The following NEB variants were observed in gnomAD, a reference collection of about 807,000 sequenced individuals.
NEB encodes nemaline myopathy type 2.
In NEB, 512 loss-of-function variants were observed where a neutral mutation model predicts 952.2. That is an observed-to-expected ratio of 0.54 (90% confidence interval 0.50 to 0.58). The LOEUF is 0.58. Ranked by LOEUF, NEB falls within the 20% of genes least tolerant of loss-of-function variation. NEB has a pLI of 0.00. For missense variants in NEB, 8,428 were observed against 9,231.1 expected (o/e 0.91, Z 3.56); for synonymous variants, 2,900 against 3,149.8 (o/e 0.92, Z 2.66).
At chr2:151,648,246 C>A (rs2098985876) in intron 54 of NEB, among the ~76,000 whole-genome samples, 1 of 152,038 alleles carries the variant, frequency 6.6e-6, no homozygotes. Context: ...TTGTCCATTT[C>A]CCTTTGAGGT....
intron 42 of NEB, 47 bp from the exon 43 acceptor site, chr2:151,664,910 G>C: frequency 7.3e-7 from 1 of 1,366,436 alleles, no homozygotes; most frequent in African/African-American, 1.4e-5. Context: ...GGACAAGTTT[G>C]ACCCAATGCT....
intron 54 of NEB, among the ~76,000 whole-genome samples, chr2:151,647,299 G>A (rs2098972937): frequency 6.6e-6 from 1 of 151,570 alleles, no homozygotes; most frequent in African/African-American, 2.4e-5. Flanking sequence ...TAGTAGAGAT[G>A]GGGTTTCACC....
intron 13 of NEB, among the ~76,000 whole-genome samples, chr2:151,701,606 G>C (rs2099670143): frequency 1.3e-5 from 2 of 151,740 alleles, no homozygotes; most frequent in Non-Finnish European, 1.5e-5. Context: ...GATTGTATGT[G>C]TCGAGGAATT....
chr2:151,519,153 G>A (rs1005316782), intron 154 of NEB, 84 bp from the exon 155 acceptor site: 30 of 881,684 alleles, frequency 3.4e-5, no homozygotes, highest in African/African-American at 2.3e-4. Context: ...ATAGCCCATC[G>A]TCAAACAAAT....
intron 113 of NEB, 140 bp from the exon 114 acceptor site, chr2:151,567,619 T>C: frequency 4.7e-6 from 3 of 634,032 alleles, no homozygotes; most frequent in Non-Finnish European, 5.1e-6. Context: ...GAGCAAATAA[T>C]AAAAAGCATT....
At position 151,697,605 on chromosome 2, in the gene NEB, A is replaced by C; in HGVS notation, c.1196T>G (p.Ile399Arg). Residue 399 changes from isoleucine (I) to arginine (R), a missense_variant, in exon 14 of 182, where the codon ATA (isoleucine) becomes AGA (arginine). By Grantham distance (97) the Ile-to-Arg change is moderately conservative. Around this residue, in one of 11 missense-constraint regions of NEB, gnomAD observed 2,851 missense variants for 2,791.5 expected, o/e 1.02. Transcript: ENST00000397345. The part of the protein sequence containing the change: ...ENYEKTKAKS[I>R]NYCETPKFKL... ...GAATTTGGGGGTCTCGCAGTAATTT[A>C]TGCTCTTTGCTTTTGTCTTTTCATA... is the stretch of plus-strand genomic sequence containing the variant. 6.2e-7 allele frequency: 1 copy of C among 1,612,598 alleles called. No homozygotes were observed. The highest frequency in any genetic ancestry group is 1.1e-5 in the South Asian group (1 of 90,662).
chr2:151,717,089 C>A (rs896001319), intron 10 of NEB, among the ~76,000 whole-genome samples: 1 of 152,160 alleles, frequency 6.6e-6, no homozygotes, highest in Non-Finnish European at 1.5e-5. Context: ...CAGCTCTTCA[C>A]GGAAGTGTGT....
chr2:151,657,400 G>A (rs531576697), intron 48 of NEB, among the ~76,000 whole-genome samples: 12 of 152,260 alleles, frequency 7.9e-5, no homozygotes, highest in African/African-American at 2.6e-4. Flanking sequence ...TTTCATATAG[G>A]TGGCATGTCA....
At chr2:151,637,486 G>T (rs991786837) in intron 63 of NEB, among the ~76,000 whole-genome samples, 1 of 152,150 alleles carries the variant, frequency 6.6e-6, no homozygotes, top group African/African-American at 2.4e-5. Flanking sequence ...AAATAGGAAA[G>T]CAGCCAAAAA....
Position 151,656,233 on chromosome 2 carries a change from G to A in NEB, c.6415C>T (p.His2139Tyr). ...QANITNTNYK[H>Y]LIHKYILLPD... ...AGGAGGATGTACTTGTGAATCAGGT[G>A]CTTGTAGTTAGTGTTGGTGATGTTG... The change falls in exon 49 of 182, where the codon CAC becomes TAC. Residue 2139 changes from histidine to tyrosine, a missense_variant. His to Tyr is a moderately conservative substitution (Grantham distance 83). Around this residue, in one of 11 missense-constraint regions of NEB, gnomAD observed 2,851 missense variants for 2,791.5 expected, o/e 1.02. Transcript: ENST00000397345. 6.2e-7 allele frequency: 1 copy of A among 1,613,398 alleles called. No individual in the cohort carries two copies. The highest frequency in any genetic ancestry group is 8.5e-7 in the Non-Finnish European group (1 of 1,179,582).
intron 2 of NEB, 30 bp from the exon 3 acceptor site, chr2:151,733,215 A>G: frequency 7.2e-7 from 1 of 1,391,106 alleles, no homozygotes; most frequent in Non-Finnish European, 1.0e-6. Context: ...ATGAAAACAT[A>G]TTAGAGTCTA....
chr2:151,549,611 T>G (rs1292753200), intron 130 of NEB, 25 bp downstream of exon 130: 9 of 1,471,432 alleles, frequency 6.1e-6, no homozygotes, highest in Non-Finnish European at 8.4e-6. Context: ...TTCAGACCCA[T>G]CTCAATGAGG....
chr2:151,658,158 A>T, intron 47 of NEB, 68 bp from the exon 48 acceptor site: 1 of 1,161,544 alleles, frequency 8.6e-7, no homozygotes, highest in Non-Finnish European at 1.2e-6. Context: ...TTAGAAGAGT[A>T]AACTACCACT....
At chr2:151,557,636 C>G (rs895990547) in intron 124 of NEB, among the ~76,000 whole-genome samples, 1 of 152,072 alleles carries the variant, frequency 6.6e-6, no homozygotes, top group African/African-American at 2.4e-5. Context: ...ATTGGCAAAC[C>G]AAATCCAGCA....
chr2:151,650,080 A>C, intron 54 of NEB, 96 bp downstream of exon 54: 1 of 1,142,558 alleles, frequency 8.8e-7, no homozygotes. Context: ...GTATGAGGCA[A>C]TGCTTTGTGG....
intron 18 of NEB, 73 bp downstream of exon 18, chr2:151,695,505 T>G: frequency 9.7e-7 from 1 of 1,028,414 alleles, no homozygotes; most frequent in Non-Finnish European, 1.5e-6. Flanking sequence ...TTCATTGAAT[T>G]GCAACAAAGC....
intron 166 of NEB, 49 bp downstream of exon 166, chr2:151,503,300 G>T: frequency 7.3e-7 from 1 of 1,370,646 alleles, no homozygotes; most frequent in Non-Finnish European, 1.0e-6. Context: ...GGTTATTGTG[G>T]TAAATTTTTT....
In NEB at chr2:151,568,640, T is replaced by A. The variant is rs1405097561; in HGVS notation, c.17612A>T (p.Gln5871Leu). 2 of 1,609,274 alleles carry A rather than the reference T, an allele frequency of 1.2e-6. No individual in the cohort carries two copies. Among genetic ancestry groups the A allele is most frequent in the South Asian group, 2.2e-5 (2 of 89,874 alleles). Residue 5871 changes from glutamine (Q) to leucine (L), a missense_variant, in exon 111 of 182, where the codon CAA becomes CTA. This residue lies in a region of NEB where 3,374 missense variants were observed against 3,651.5 expected (regional missense o/e 0.92). Transcript: ENST00000397345. ...TACATCATCGAGGATCTCGCCACTT[T>A]GTTTCGCTGTCACATAATCAACTCT... is the stretch of plus-strand genomic sequence containing the variant. The part of the protein sequence containing the change: ...DDRVDYVTAK[Q>L]SGEILDDIKY...
chr2:151,515,217 C>T (rs2076991299), intron 157 of NEB, among the ~76,000 whole-genome samples: 1 of 152,170 alleles, frequency 6.6e-6, no homozygotes, highest in Non-Finnish European at 1.5e-5. Context: ...GATGCACCAT[C>T]AGGACTCTGA....
Sources: allele counts gnomAD v4.1 joint callset (sites outside exome capture counted in the v4.1 genomes callset), GRCh38; gene constraint gnomAD v4.1.1; regional missense constraint gnomAD v4.1.1; transcripts MANE v1.5; gene names NCBI Gene and HGNC (gene_info 2026-07-23, HGNC 2026-07-21).